The following MAGI1 variants were observed in gnomAD, a reference collection of about 807,000 sequenced individuals.
MAGI1 encodes membrane-associated guanylate kinase, WW and PDZ domain-containing protein 1.
Under a neutral mutation model 139.9 loss-of-function variants are expected in MAGI1, and 58 were observed. That is an observed-to-expected ratio of 0.41 (90% CI 0.34 to 0.52). The LOEUF (loss-of-function observed/expected upper bound fraction) is 0.52, where lower values mean the gene tolerates loss of function less well. Ranked by LOEUF, MAGI1 falls within the 20% of genes least tolerant of loss-of-function variation. The pLI is 0.12. For synonymous variants in MAGI1, 812 were observed against 737.9 expected (o/e 1.10, Z -1.63); for missense variants, 1,874 against 1,901.6 (o/e 0.99, Z 0.27).
At chr3:65,677,069 C>T (rs962442020) in intron 1 of MAGI1, among the ~76,000 whole-genome samples, 15 of 152,018 alleles carry the variant, frequency 9.9e-5, no homozygotes, top group African/African-American at 1.9e-4. Context: ...GGGACATACA[C>T]GATGAGAAAG....
intron 7 of MAGI1, among the ~76,000 whole-genome samples, chr3:65,445,653 A>C (rs1467921562): frequency 6.6e-6 from 1 of 152,186 alleles, no homozygotes; most frequent in Non-Finnish European, 1.5e-5. Context: ...CTATAATTCC[A>C]AAAGAAGGTT....
chr3:65,961,871 C>T (rs1412167742), intron 1 of MAGI1, among the ~76,000 whole-genome samples: 2 of 152,184 alleles, frequency 1.3e-5, no homozygotes, highest in Admixed American at 6.5e-5. Context: ...CATGAATGTT[C>T]CATTGTGCTG....
At chr3:65,493,714 C>T in intron 2 of MAGI1, 83 bp from the exon 3 acceptor site, 1 of 1,542,360 alleles carries the variant, frequency 6.5e-7, no homozygotes, top group Non-Finnish European at 8.8e-7. Context: ...TTAAAATAAC[C>T]TGTTCAGTAA....
intron 1 of MAGI1, among the ~76,000 whole-genome samples, chr3:65,685,034 T>C (rs1009913231): frequency 2.6e-5 from 4 of 151,756 alleles, no homozygotes; most frequent in Admixed American, 6.6e-5. Flanking sequence ...ACTGTATTAA[T>C]GTCAATATCC....
intron 2 of MAGI1, among the ~76,000 whole-genome samples, chr3:65,508,280 T>A (rs2077390013): frequency 6.6e-6 from 1 of 151,900 alleles, no homozygotes; most frequent in Admixed American, 6.6e-5. Context: ...AGTGGGCGCC[T>A]GTAGTCCCAG....
chr3:65,828,203 G>A (rs1429506663), intron 1 of MAGI1, among the ~76,000 whole-genome samples: 1 of 152,172 alleles, frequency 6.6e-6, no homozygotes, highest in African/African-American at 2.4e-5. Flanking sequence ...ACTTTTCACT[G>A]TTAACTCAGC....
At chr3:65,460,346 A>G (rs548129180) in intron 5 of MAGI1, among the ~76,000 whole-genome samples, 1 of 152,350 alleles carries the variant, frequency 6.6e-6, no homozygotes, top group African/African-American at 2.4e-5. Context: ...TCAAGGTAAT[A>G]TTAGCTTCAT....
chr3:65,422,654 G>A (rs552250813), intron 12 of MAGI1, among the ~76,000 whole-genome samples: 1 of 152,258 alleles, frequency 6.6e-6, no homozygotes, highest in Non-Finnish European at 1.5e-5. Flanking sequence ...ATCTGAGGGG[G>A]ATCACAGGTA....
At chr3:65,936,539 G>C (rs946226866) in intron 1 of MAGI1, among the ~76,000 whole-genome samples, 2 of 151,446 alleles carry the variant, frequency 1.3e-5, no homozygotes, top group Non-Finnish European at 2.9e-5. Context: ...CTCAGGCAGT[G>C]GGCCAAGATC....
chr3:65,756,597 A>G (rs1258406874), intron 1 of MAGI1, among the ~76,000 whole-genome samples: 2 of 152,150 alleles, frequency 1.3e-5, no homozygotes, highest in African/African-American at 4.8e-5. Context: ...AGTCTTTCAT[A>G]AGCATCTCTG....
At chr3:65,776,330 C>T (rs2038423293) in intron 1 of MAGI1, among the ~76,000 whole-genome samples, 2 of 149,034 alleles carry the variant, frequency 1.3e-5, no homozygotes, top group African/African-American at 5.0e-5. Context: ...AAAAAGGCCA[C>T]ACAAATATTA....
intron 2 of MAGI1, among the ~76,000 whole-genome samples, chr3:65,528,272 T>C (rs1283687429): frequency 1.3e-5 from 2 of 152,220 alleles, no homozygotes; most frequent in African/African-American, 4.8e-5. Flanking sequence ...GCAAAATTCA[T>C]CCAATATTGC....
chr3:65,584,175 C>T (rs2081568074), intron 2 of MAGI1, among the ~76,000 whole-genome samples: 2 of 150,014 alleles, frequency 1.3e-5, no homozygotes, highest in African/African-American at 2.4e-5. Flanking sequence ...GCCCAGCCTA[C>T]AGAATGAGCT....
chr3:65,660,947 A>AACTG (rs2086158680), intron 1 of MAGI1, among the ~76,000 whole-genome samples: 1 of 152,196 alleles, frequency 6.6e-6, no homozygotes, highest in Non-Finnish European at 1.5e-5. Flanking sequence ...ACACTCATCA[A>AACTG]ACTGACACCT....
chr3:65,777,985 T>C lies in MAGI1; in HGVS notation c.314-155897A>G, dbSNP rs2038605918. Among the ~76,000 whole-genome samples the C allele has an allele frequency of 2.0e-5, 3 of 152,198 alleles. No individual in the cohort carries two copies. In the East Asian group the frequency reaches 5.8e-4, roughly 29 times the overall value. On this transcript the variant is annotated intron_variant, in intron 1 of 22. Coordinates refer to ENST00000402939, the MANE Select transcript of MAGI1 (RefSeq NM_001033057.2). Reference sequence around the variant, plus strand: ...TTAAATAGGTATGCATAATAATTCATATGGTGGGCATCATTTATTCAGACA... The same window carrying C: ...TTAAATAGGTATGCATAATAATTCACATGGTGGGCATCATTTATTCAGACA...
intron 1 of MAGI1, among the ~76,000 whole-genome samples, chr3:65,960,891 C>T (rs1228940342): frequency 6.6e-6 from 1 of 152,182 alleles, no homozygotes; most frequent in Non-Finnish European, 1.5e-5. Context: ...TAGATTCCTT[C>T]CTTGTCTATT....
intron 2 of MAGI1, among the ~76,000 whole-genome samples, chr3:65,606,303 G>C (rs1387249292): frequency 2.6e-5 from 4 of 151,958 alleles, no homozygotes; most frequent in Non-Finnish European, 5.9e-5. Flanking sequence ...TGCCCTGAAG[G>C]TTATTTTACT....
rs1364543902 is a variant in MAGI1 at position 65,974,295 on chromosome 3, TGGGAGAGTGGGAGGGAAGAA to T, written c.313+63681_313+63700del. On this transcript the variant is annotated intron_variant, in intron 1 of 22. Coordinates refer to ENST00000402939, the MANE Select transcript of MAGI1 (RefSeq NM_001033057.2). ...GTTGAAAGCATAAAGAGTGAGCAAATGGGAGAGTGGGAGGGAAGAAGGGAGAGTGGGAGGGAAGAAGGGAG... is the reference window on the plus strand; with the variant it reads ...GTTGAAAGCATAAAGAGTGAGCAAATGGGAGAGTGGGAGGGAAGAAGGGAG... Among the ~76,000 whole-genome samples, 14 of 145,154 alleles carry T rather than the reference TGGGAGAGTGGGAGGGAAGAA, an allele frequency of 9.6e-5. No homozygotes were observed. In the East Asian group the frequency reaches 1.2e-3, roughly 13 times the overall value.
intron 1 of MAGI1, among the ~76,000 whole-genome samples, chr3:65,683,495 A>G (rs2087741962): frequency 1.3e-5 from 2 of 152,080 alleles, no homozygotes; most frequent in African/African-American, 4.8e-5. Context: ...GAAAAGAAAA[A>G]AAAGACAAGC....
Sources: allele counts gnomAD v4.1 joint callset (sites outside exome capture counted in the v4.1 genomes callset), GRCh38; gene constraint gnomAD v4.1.1; transcripts MANE v1.5; gene names NCBI Gene and HGNC (gene_info 2026-07-23, HGNC 2026-07-21).